DNMT1: variants seen among roughly 807,000 people sequenced by gnomAD.
The protein encoded by DNMT1 is DNA (cytosine-5)-methyltransferase 1.
Under a neutral mutation model 205.3 loss-of-function variants are expected in DNMT1, and 24 were observed. That is an observed-to-expected ratio of 0.12 (90% confidence interval 0.08 to 0.16). The LOEUF is 0.16. Ranked by LOEUF, DNMT1 falls within the 10% of genes least tolerant of loss-of-function variation. The probability of loss-of-function intolerance (pLI) is 1.00; values close to 1 mark genes in which losing one functional copy is unlikely to be tolerated. For missense variants in DNMT1, 1,293 were observed against 2,177.7 expected, an observed-to-expected ratio of 0.59 and a Z score of 8.09; for synonymous variants, 817 against 839.8, an observed-to-expected ratio of 0.97 and a Z score of 0.47.
intron 22 of DNMT1, among the ~76,000 whole-genome samples, chr19:10,152,478 T>C (rs773483551): frequency 2.0e-5 from 3 of 151,798 alleles, no homozygotes; most frequent in Non-Finnish European, 4.4e-5. Context: ...AAATTAAAAT[T>C]AGCCAGGCGT....
At chr19:10,144,139 G>T in intron 28 of DNMT1, 152 bp from the exon 29 acceptor site, 1 of 830,282 alleles carries the variant, frequency 1.2e-6, no homozygotes, top group Non-Finnish European at 2.0e-6. Flanking sequence ...GCTGGGCATT[G>T]TGGCTCACGC....
intron 1 of DNMT1, among the ~76,000 whole-genome samples, chr19:10,191,576 G>C (rs1483724665): frequency 6.6e-6 from 1 of 152,138 alleles, no homozygotes; most frequent in Non-Finnish European, 1.5e-5. Context: ...AGGGCCAACA[G>C]AGCCCCTGAG....
At chr19:10,188,321 C>T (rs1404820957) in intron 1 of DNMT1, among the ~76,000 whole-genome samples, 2 of 151,282 alleles carry the variant, frequency 1.3e-5, no homozygotes, top group Non-Finnish European at 3.0e-5. Flanking sequence ...GGGTAGATCA[C>T]CTGAGCTCAG....
rs1478113806 is a variant in DNMT1 at position 10,156,838 on chromosome 19, A to T, written c.1281-329T>A. ...TCACTATGTGTAGCAGGCTGGTCTC[A>T]AACTCTTTATCTCCAGTGATCTACC... On this transcript the variant is annotated intron_variant, in intron 17 of 40. Transcript: ENST00000359526. This position sits in a 1 kb window ranked among gnomAD's most constrained non-coding sequence, Gnocchi z 4.2. Among the ~76,000 whole-genome samples, 1 of 151,860 alleles carries T rather than the reference A, an allele frequency of 6.6e-6. No individual in the cohort carries two copies. The highest frequency in any genetic ancestry group is 1.5e-5 in the Non-Finnish European group (1 of 67,938).
Position 10,133,783 on chromosome 19 carries a change from C to T in DNMT1, c.4865-82G>A. 2 of 1,438,118 alleles carry T rather than the reference C, an allele frequency of 1.4e-6. No individual in the cohort carries two copies. Among genetic ancestry groups the T allele is most frequent in the South Asian group, 1.2e-5 (1 of 81,734 alleles). The allele number at this position is 1,438,118 out of a possible 1,614,324, so 89.1% of individuals were successfully genotyped here. A position where few individuals can be genotyped will look rare whatever the true frequency, so the allele number is the denominator to read the frequency against. On this transcript the variant is annotated intron_variant, in intron 40 of 40. Coordinates refer to ENST00000359526, the MANE Select transcript of DNMT1 (RefSeq NM_001130823.3). The surrounding 1 kb of genome is among the most constrained non-coding windows in gnomAD (Gnocchi z 4.1). ...TTGACAGGCGAGTAACAGACATGGA[C>T]CATCAGGAAACATTAACGTACTGAT...
chr19:10,193,568 T>G (rs1185922055), intron 1 of DNMT1, among the ~76,000 whole-genome samples: 1 of 151,234 alleles, frequency 6.6e-6, no homozygotes, highest in Non-Finnish European at 1.5e-5. Flanking sequence ...TTTGCCTTGT[T>G]GCCCAGGCTG....
At chr19:10,174,650 T>C (rs929902792) in intron 7 of DNMT1, among the ~76,000 whole-genome samples, 1 of 151,788 alleles carries the variant, frequency 6.6e-6, no homozygotes, top group African/African-American at 2.4e-5. Context: ...GAGGTTGCAG[T>C]GAGCTGAGAT....
chr19:10,153,049 G>A (rs2038382957), intron 22 of DNMT1, among the ~76,000 whole-genome samples: 1 of 152,108 alleles, frequency 6.6e-6, no homozygotes, highest in Non-Finnish European at 1.5e-5. Flanking sequence ...GGTGGTGTGA[G>A]GAAAGAAGAA....
At chr19:10,170,852 G>T (rs1290146549) in intron 9 of DNMT1, among the ~76,000 whole-genome samples, 2 of 152,052 alleles carry the variant, frequency 1.3e-5, no homozygotes, top group Non-Finnish European at 2.9e-5. Context: ...GGATTGCAGT[G>T]GGACAATCAT....
At chr19:10,172,723 G>A (rs1389295667) in intron 9 of DNMT1, among the ~76,000 whole-genome samples, 1 of 151,910 alleles carries the variant, frequency 6.6e-6, no homozygotes, top group Non-Finnish European at 1.5e-5. Flanking sequence ...GCTGGGACAT[G>A]AGAATCACTT....
rs1014641379 is a variant in DNMT1 at position 10,133,435 on chromosome 19, G to T, written c.*232C>A. 1 of 586,254 alleles carries T rather than the reference G, an allele frequency of 1.7e-6. No homozygotes were observed. The allele number at this position is 586,254 out of a possible 1,614,324, so 36.3% of individuals were successfully genotyped here. On this transcript the variant is annotated 3_prime_UTR_variant, in exon 41 of 41. Transcript: ENST00000359526. The surrounding 1 kb of genome is among the most constrained non-coding windows in gnomAD (Gnocchi z 4.1). ...TTTCCACTCATACAGTGGTAGATTT[G>T]ATATAATGCATAATAAAAAACTTTT...
chr19:10,172,981 C>T lies in DNMT1; in HGVS notation c.768+109G>A, dbSNP rs2038851797. ...AGGCATTTCGATCACTAGCAAAACCCATCTTGTTCTTCCACGTTCCCCACC... is the reference window on the plus strand; with the variant it reads ...AGGCATTTCGATCACTAGCAAAACCTATCTTGTTCTTCCACGTTCCCCACC... On this transcript the variant is annotated intron_variant, in intron 9 of 40. Transcript: ENST00000359526. The T allele has an allele frequency of 4.7e-6, 6 of 1,286,962 alleles. No individual in the cohort carries two copies. In the South Asian group the frequency reaches 6.1e-5, roughly 13 times the overall value. 79.7% of individuals were successfully genotyped at this position (1,286,962 alleles called of 1,614,324 possible).
rs752734847 is a variant in DNMT1, at chr19:10,159,812, G to C, written c.1170+30C>G. The C allele has an allele frequency of 6.2e-7, 1 of 1,614,122 alleles. No homozygotes were observed. Among genetic ancestry groups the C allele is most frequent in the African/African-American group, 1.3e-5 (1 of 74,952 alleles). ...TGAGCAGTGGGACAAGGGACAGGCA[G>C]AGGAAGGCTGGGAAGAGAGCTGTAC... is the stretch of plus-strand genomic sequence containing the variant. On this transcript the variant is annotated intron_variant, in intron 16 of 40. Transcript: ENST00000359526. This position sits in a 1 kb window ranked among gnomAD's most constrained non-coding sequence, Gnocchi z 5.0.
Position 10,146,408 on chromosome 19 carries a change from C to A in DNMT1, c.2837G>T (p.Gly946Val), listed in dbSNP as rs977832207. 1 of 1,613,996 alleles carries A rather than the reference C, an allele frequency of 6.2e-7. No individual in the cohort carries two copies. Among genetic ancestry groups the A allele is most frequent in the African/African-American group, 1.3e-5 (1 of 74,900 alleles). ...ACCATCACCAACTCGGTACAGGATGCCGTTCTTGGTGGCTGAGTAGTAGAG... is the reference window on the plus strand; with the variant it reads ...ACCATCACCAACTCGGTACAGGATGACGTTCTTGGTGGCTGAGTAGTAGAG... ...RVLYYSATKNGILYRVGDGVY... is the reference protein window; with the variant it reads ...RVLYYSATKNVILYRVGDGVY... Residue 946 changes from glycine to valine, a missense_variant, in exon 28 of 41, where the codon GGC becomes GTC. Physicochemically the swap from Gly to Val is moderately radical, Grantham distance 109 (BLOSUM62 -3). Transcript: ENST00000359526. This position sits in a 1 kb window ranked among gnomAD's most constrained non-coding sequence, Gnocchi z 4.4.
chr19:10,180,567 C>A lies in DNMT1; in HGVS notation c.228G>T (p.Glu76Asp). 1 of 1,614,004 alleles carries A rather than the reference C, an allele frequency of 6.2e-7. No homozygotes were observed. The highest frequency in any genetic ancestry group is 8.5e-7 in the Non-Finnish European group (1 of 1,179,998). Residue 76 changes from glutamate (E) to aspartate (D), a missense_variant and splice_region_variant, in exon 4 of 41, where the codon GAG becomes GAT. Glu to Asp is a conservative substitution (Grantham distance 45, BLOSUM62 2). This residue lies in a region of DNMT1 where 394 missense variants were observed against 451.6 expected (regional missense o/e 0.87). Transcript: ENST00000359526. ...TKLRKEELSEEGYLAKVKSLL... is the reference protein window; with the variant it reads ...TKLRKEELSEDGYLAKVKSLL... ...GGGATTTGACTTTAGCCAGGTAGCCCTCCTACAGCAGGAAAGGATAATTTA... is the reference window on the plus strand; with the variant it reads ...GGGATTTGACTTTAGCCAGGTAGCCATCCTACAGCAGGAAAGGATAATTTA...
At chr19:10,177,396 G>GAA in intron 5 of DNMT1, 29 bp from the exon 6 acceptor site, 2 of 1,445,762 alleles carry the variant, frequency 1.4e-6, no homozygotes, top group Non-Finnish European at 1.9e-6. Context: ...GCATTAAAAA[G>GAA]AAAAAAAAAA....
chr19:10,140,261 G>A lies in DNMT1; in HGVS notation c.3591C>T (p.Asn1197=), dbSNP rs769438028. The A allele has an allele frequency of 1.2e-6, 2 of 1,614,056 alleles. No homozygotes were observed. Among genetic ancestry groups the A allele is most frequent in the Admixed American group, 3.3e-5 (2 of 60,032 alleles). The part of the protein sequence containing the change: ...DPAAQAFRLN[N]PGSTVFTEDC... Reference sequence around the variant, plus strand: ...CCTCTGTGAACACTGTGGAGCCGGGGTTGTTCAGCCGGAACGCCTGGGCCG... The same window carrying A: ...CCTCTGTGAACACTGTGGAGCCGGGATTGTTCAGCCGGAACGCCTGGGCCG... The change falls in exon 33 of 41, where the codon AAC becomes AAT. Residue 1197 remains asparagine (N), a synonymous_variant. Transcript: ENST00000359526. The surrounding 1 kb of genome is among the most constrained non-coding windows in gnomAD (Gnocchi z 8.4).
intron 6 of DNMT1, among the ~76,000 whole-genome samples, chr19:10,176,979 G>A (rs2145368449): frequency 6.6e-6 from 1 of 152,224 alleles, no homozygotes; most frequent in East Asian, 1.9e-4. Flanking sequence ...AGTAATCCAG[G>A]TGGGGCAGGG....
Position 10,137,123 on chromosome 19 carries a change from C to A in DNMT1, c.4451G>T (p.Ser1484Ile). ...THHDRKNGRSSSGALRGVCSC... is the reference protein window; with the variant it reads ...THHDRKNGRSISGALRGVCSC... ...GCAGACCCCACGGAGGGCCCCAGAG[C>A]TGCTGCGGCCGTTCTTCCTGTCATG... The change falls in exon 37 of 41, where the codon AGC becomes ATC. Residue 1484 changes from serine (S) to isoleucine (I), a missense_variant. Physicochemically the swap from Ser to Ile is moderately radical, Grantham distance 142. Around this residue, in one of 13 missense-constraint regions of DNMT1, gnomAD observed 148 missense variants for 256.1 expected, o/e 0.58. Transcript: ENST00000359526. This position sits in a 1 kb window ranked among gnomAD's most constrained non-coding sequence, Gnocchi z 6.4. 1 of 1,611,664 alleles carries A rather than the reference C, an allele frequency of 6.2e-7. No homozygotes were observed. The highest frequency in any genetic ancestry group is 1.1e-5 in the South Asian group (1 of 90,582).
Sources: gnomAD v4.1 joint callset for allele counts (sites outside exome capture counted in the v4.1 genomes callset) on GRCh38, gnomAD v4.1.1 for gene constraint, gnomAD v4.1.1 regional missense constraint, Gnocchi (gnomAD v3.1) non-coding constraint, MANE v1.5 for transcripts, NCBI Gene and HGNC (gene_info 2026-07-23, HGNC 2026-07-21) for gene names.